The following CDH11 variants were observed in gnomAD, a reference collection of about 807,000 sequenced individuals.
The protein encoded by CDH11 is cadherin-11.
A neutral mutation model predicts 67.8 loss-of-function variants in CDH11; 11 were observed. The ratio of observed to expected loss-of-function variants is 0.16; its 90% CI spans 0.10 to 0.27. The LOEUF (loss-of-function observed/expected upper bound fraction) is 0.27. Ranked by LOEUF, CDH11 falls within the 10% of genes least tolerant of loss-of-function variation. The pLI is 1.00. For missense variants in CDH11, 847 were observed against 1,031.2 expected, an observed-to-expected ratio of 0.82 and a Z score of 2.45; for synonymous variants, 419 against 400.0, an observed-to-expected ratio of 1.05 and a Z score of -0.57.
chr16:64,984,975 A>G (rs1213247136), intron 7 of CDH11: 2 of 152,236 alleles, frequency 1.3e-5, no homozygotes, highest in African/African-American at 2.4e-5. Flanking sequence ...CTGCTCTGAC[A>G]CTGCTTTTCA....
In CDH11 at chr16:64,946,701, A is replaced by G; in HGVS notation, c.*902T>C. ...AGATCATAAATAGGGTTATTAAAAG[A>G]TCACAATTAAATTAGAAATATAAAT... On this transcript the variant is annotated 3_prime_UTR_variant, in exon 13 of 13. Transcript: ENST00000268603. 5 of 937,484 alleles carry G rather than the reference A, an allele frequency of 5.3e-6. No individual in the cohort carries two copies. Among genetic ancestry groups the G allele is most frequent in the Non-Finnish European group, 6.5e-6 (5 of 773,924 alleles). 58.1% of individuals were successfully genotyped at this position (937,484 alleles called of 1,614,324 possible).
chr16:65,019,856 T>C (rs2073386675), intron 2 of CDH11, among the ~76,000 whole-genome samples: 1 of 152,114 alleles, frequency 6.6e-6, no homozygotes, highest in Non-Finnish European at 1.5e-5. Context: ...AGCTTTAGCC[T>C]ATCTCACTTA....
intron 2 of CDH11, among the ~76,000 whole-genome samples, chr16:65,036,963 C>G (rs1304788064): frequency 1.3e-5 from 2 of 152,138 alleles, no homozygotes. Context: ...CATGCAAGAA[C>G]TTTCGATGAG....
intron 1 of CDH11, among the ~76,000 whole-genome samples, chr16:65,083,214 G>A (rs552942547): frequency 7.2e-5 from 11 of 152,210 alleles, no homozygotes; most frequent in Middle Eastern, 3.4e-3. Context: ...TTGGATCCAC[G>A]TTTGTCTCCC....
intron 2 of CDH11, among the ~76,000 whole-genome samples, chr16:65,009,217 G>C (rs980913010): frequency 2.6e-5 from 4 of 151,984 alleles, no homozygotes; most frequent in Non-Finnish European, 5.9e-5. Flanking sequence ...TGGTAGCATG[G>C]AGAAGTAGAC....
chr16:64,946,057 A>T lies in CDH11; in HGVS notation c.*1546T>A, dbSNP rs1463306634. On this transcript the variant is annotated 3_prime_UTR_variant, in exon 13 of 13. Transcript: ENST00000268603. ...CTGGAATGCAGGGGACTGTAGACAC[A>T]CTCCTGGACCAAATGGCATCGACTC... 4 of 1,058,744 alleles carry T rather than the reference A, an allele frequency of 3.8e-6. No homozygotes were observed. In the African/African-American group the frequency reaches 6.6e-5, roughly 17 times the overall value. The allele number at this position is 1,058,744 out of a possible 1,614,324, so 65.6% of individuals were successfully genotyped here.
intron 2 of CDH11, among the ~76,000 whole-genome samples, chr16:65,011,016 T>TATATATATGG: frequency 6.8e-6 from 1 of 146,810 alleles, no homozygotes; most frequent in African/African-American, 2.5e-5. Flanking sequence ...TATATATATG[T>TATATATATGG]GTATATATAT....
chr16:64,987,769 G>A (rs1271771435), intron 7 of CDH11: 1 of 159,488 alleles, frequency 6.3e-6, no homozygotes, highest in Admixed American at 6.5e-5. Context: ...GAAACAGTAA[G>A]AGTTCTGAAC....
chr16:65,087,120 T>C (rs990770608), intron 1 of CDH11, among the ~76,000 whole-genome samples: 6 of 152,128 alleles, frequency 3.9e-5, no homozygotes, highest in African/African-American at 1.4e-4. Flanking sequence ...ATGTCCCAGA[T>C]GATAGGTAGT....
In CDH11 at chr16:65,062,057, C is replaced by T. The variant is rs545006271; in HGVS notation, c.-297-8129G>A. ...ATTCACCCAACAGCTGTACTCTACT[C>T]CATTCTTTGGCTATAAAATAGGGCA... On this transcript the variant is annotated intron_variant, in intron 1 of 12. Transcript: ENST00000268603. Among the ~76,000 whole-genome samples, 3 of 152,284 alleles carry T rather than the reference C, an allele frequency of 2.0e-5. No homozygotes were observed. In the South Asian group the frequency reaches 6.2e-4, roughly 32 times the overall value.
chr16:65,076,982 C>T (rs994687431), intron 1 of CDH11, among the ~76,000 whole-genome samples: 1 of 152,048 alleles, frequency 6.6e-6, no homozygotes. Context: ...TTCTCAGGGG[C>T]AACTGAGGCC....
At chr16:65,081,709 G>T (rs1463084731) in intron 1 of CDH11, among the ~76,000 whole-genome samples, 1 of 151,618 alleles carries the variant, frequency 6.6e-6, no homozygotes, top group Non-Finnish European at 1.5e-5. Context: ...TTTTGTTTTT[G>T]TTTTGTTTTA....
intron 11 of CDH11, chr16:64,968,254 T>C: frequency 5.1e-6 from 1 of 196,848 alleles, no homozygotes; most frequent in Non-Finnish European, 9.2e-6. Flanking sequence ...CCTATGCGAC[T>C]GTTTGAAGAA....
At chr16:65,055,241 G>T (rs2074122998) in intron 1 of CDH11, among the ~76,000 whole-genome samples, 1 of 152,182 alleles carries the variant, frequency 6.6e-6, no homozygotes, top group Non-Finnish European at 1.5e-5. Context: ...CACTCTGATA[G>T]GCATGCCCTT....
intron 11 of CDH11, among the ~76,000 whole-genome samples, chr16:64,951,771 C>G (rs745617476): frequency 6.6e-6 from 1 of 152,138 alleles, no homozygotes; most frequent in Non-Finnish European, 1.5e-5. Flanking sequence ...AACTATGAAT[C>G]CACTCATTAG....
chr16:65,016,335 G>C (rs954429312), intron 2 of CDH11, among the ~76,000 whole-genome samples: 1 of 151,886 alleles, frequency 6.6e-6, no homozygotes, highest in African/African-American at 2.4e-5. Flanking sequence ...TTTTTTTTAA[G>C]TTAAGGGTAA....
intron 2 of CDH11, among the ~76,000 whole-genome samples, chr16:65,019,168 A>T (rs1567531663): frequency 1.3e-5 from 2 of 152,208 alleles, no homozygotes. Context: ...CAAATATGTC[A>T]TTTTTGGACT....
intron 1 of CDH11, among the ~76,000 whole-genome samples, chr16:65,107,186 G>C (rs2075079735): frequency 6.6e-6 from 1 of 152,034 alleles, no homozygotes; most frequent in Admixed American, 6.5e-5. Flanking sequence ...AAGAACACGG[G>C]ATCTCTTGGC....
rs750088925 is a variant in CDH11, at chr16:64,982,128, T to A, written c.1173A>T (p.Glu391Asp). Residue 391 changes from glutamate (E) to aspartate (D), a missense_variant, in exon 8 of 13, where the codon GAA (glutamate) becomes GAT (aspartate). Transcript: ENST00000268603. ...TGCCAGCAGCTGCATTTTCTTGGAC[T>A]TCGTGGATGTAACTTGGGGCCAAGA... Reference protein sequence around the residue: ...PMFLAPSYIHEVQENAAAGTV... With the variant: ...PMFLAPSYIHDVQENAAAGTV... The A allele has an allele frequency of 2.5e-6, 4 of 1,614,028 alleles. No individual in the cohort carries two copies. Among genetic ancestry groups the A allele is most frequent in the East Asian group, 2.2e-5 (1 of 44,868 alleles).
Sources: allele counts gnomAD v4.1 joint callset (sites outside exome capture counted in the v4.1 genomes callset), GRCh38; gene constraint gnomAD v4.1.1; transcripts MANE v1.5; gene names NCBI Gene and HGNC (gene_info 2026-07-23, HGNC 2026-07-21).